Variants in ADAMTS12 observed in about 807,000 individuals in gnomAD.
ADAMTS12 encodes the protein A disintegrin and metalloproteinase with thrombospondin motifs 12.
ADAMTS12 carries 118 observed loss-of-function variants against 167.8 expected under a neutral mutation model. The ratio of observed to expected loss-of-function variants is 0.70; its 90% CI spans 0.61 to 0.82. The LOEUF is 0.82. Ranked by LOEUF, ADAMTS12 falls within the 40% of genes least tolerant of loss-of-function variation. The pLI, the probability that ADAMTS12 is intolerant of heterozygous loss-of-function variation, is 0.00. For missense variants in ADAMTS12, 1,916 were observed against 1,998.8 expected, an observed-to-expected ratio of 0.96 and a Z score of 0.79; for synonymous variants, 704 against 716.9, an observed-to-expected ratio of 0.98 and a Z score of 0.29.
chr5:33,654,872 T>TG (rs2112203231), intron 7 of ADAMTS12, among the ~76,000 whole-genome samples: 1 of 84,382 alleles, frequency 1.2e-5, no homozygotes, highest in South Asian at 6.0e-4. Flanking sequence ...ATGTGGGTGA[T>TG]TTTGTGTGTG....
At chr5:33,809,272 G>C (rs934126821) in intron 2 of ADAMTS12, among the ~76,000 whole-genome samples, 2 of 152,092 alleles carry the variant, frequency 1.3e-5, no homozygotes, top group Non-Finnish European at 2.9e-5. Flanking sequence ...TGGTGCTGCC[G>C]GTCCTTGGAC....
chr5:33,836,989 T>C (rs923269805), intron 2 of ADAMTS12, among the ~76,000 whole-genome samples: 4 of 151,984 alleles, frequency 2.6e-5, no homozygotes, highest in African/African-American at 9.7e-5. Flanking sequence ...GCCCAAGCAA[T>C]CTTCCTGCCT....
intron 3 of ADAMTS12, among the ~76,000 whole-genome samples, chr5:33,692,949 C>G (rs527558667): frequency 6.4e-4 from 97 of 152,322 alleles, no homozygotes; most frequent in Middle Eastern, 3.4e-3. Context: ...AAAGTAGACA[C>G]TATGCTTGGA....
At chr5:33,641,570 A>G (rs1740444292) in intron 11 of ADAMTS12, among the ~76,000 whole-genome samples, 1 of 152,204 alleles carries the variant, frequency 6.6e-6, no homozygotes, top group African/African-American at 2.4e-5. Context: ...AAATGATAAA[A>G]TCAGCTTACT....
chr5:33,574,709 G>C (rs1301639459), intron 19 of ADAMTS12, among the ~76,000 whole-genome samples: 1 of 152,030 alleles, frequency 6.6e-6, no homozygotes, highest in Non-Finnish European at 1.5e-5. Flanking sequence ...TAACAAACAT[G>C]CACATTGTGC....
intron 2 of ADAMTS12, among the ~76,000 whole-genome samples, chr5:33,775,893 G>A (rs1745896404): frequency 6.6e-6 from 1 of 152,320 alleles, no homozygotes; most frequent in Admixed American, 6.5e-5. Flanking sequence ...CCCTCGTGAA[G>A]GGATTAGGCC....
intron 2 of ADAMTS12, among the ~76,000 whole-genome samples, chr5:33,776,889 T>A (rs955084351): frequency 6.6e-6 from 1 of 152,112 alleles, no homozygotes; most frequent in Non-Finnish European, 1.5e-5. Context: ...AACAGACTAC[T>A]ATAAACAATT....
chr5:33,777,737 TTC>T (rs529884356), intron 2 of ADAMTS12, among the ~76,000 whole-genome samples: 113 of 152,174 alleles, frequency 7.4e-4, no homozygotes, highest in African/African-American at 2.6e-3. Context: ...CAGTAAAATT[TTC>T]TGTTTGCAGA....
In ADAMTS12 at chr5:33,637,877, T is replaced by G. The variant is rs568396072; in HGVS notation, c.1719-131A>C. On this transcript the variant is annotated intron_variant, in intron 11 of 23. Transcript: ENST00000504830. ...CCTCAAAACTTACCTTTTAAATAAC[T>G]GCTTCAAATTTTACACATTTTTTCC... The G allele has an allele frequency of 5.4e-6, 5 of 921,442 alleles. No individual in the cohort carries two copies. The East Asian group carries it at 1.4e-4, about 25-fold the overall frequency. 57.1% of individuals were successfully genotyped at this position (921,442 alleles called of 1,614,324 possible).
At chr5:33,634,223 A>G (rs1740088758) in intron 12 of ADAMTS12, among the ~76,000 whole-genome samples, 2 of 152,172 alleles carry the variant, frequency 1.3e-5, no homozygotes, top group Non-Finnish European at 2.9e-5. Context: ...TCATCATTTT[A>G]AAGAATCCAG....
chr5:33,672,759 C>A (rs1310045431), intron 5 of ADAMTS12, among the ~76,000 whole-genome samples: 2 of 152,212 alleles, frequency 1.3e-5, no homozygotes, highest in Non-Finnish European at 2.9e-5. Context: ...GTGGAGAAAG[C>A]AGAGTCATCT....
intron 2 of ADAMTS12, among the ~76,000 whole-genome samples, chr5:33,819,552 G>A (rs903141721): frequency 3.3e-5 from 5 of 151,902 alleles, no homozygotes; most frequent in African/African-American, 1.2e-4. Flanking sequence ...GCTATTTGCA[G>A]TTTGTTTTTG....
chr5:33,890,444 A>AG (rs1326609565), intron 1 of ADAMTS12, among the ~76,000 whole-genome samples: 3 of 152,228 alleles, frequency 2.0e-5, no homozygotes, highest in East Asian at 1.9e-4. Flanking sequence ...AAGCAAAGAG[A>AG]GGGACTTGCT....
At chr5:33,546,316 G>T in intron 21 of ADAMTS12, 114 bp from the exon 22 acceptor site, 1 of 987,746 alleles carries the variant, frequency 1.0e-6, no homozygotes. Flanking sequence ...AGGAATATTG[G>T]TATCTGTATT....
At chr5:33,785,241 C>T (rs947101304) in intron 2 of ADAMTS12, among the ~76,000 whole-genome samples, 2 of 151,956 alleles carry the variant, frequency 1.3e-5, no homozygotes, top group Admixed American at 6.6e-5. Context: ...ATAGGAGAAA[C>T]TCACTCTACC....
chr5:33,600,301 G>T (rs1579728284), intron 16 of ADAMTS12, among the ~76,000 whole-genome samples: 1 of 2,020 alleles, frequency 5.0e-4, no homozygotes, highest in African/African-American at 5.5e-4. Flanking sequence ...GCCTTTAAAA[G>T]AACGTCTTCC....
At chr5:33,773,216 G>GT (rs1229297314) in intron 2 of ADAMTS12, among the ~76,000 whole-genome samples, 3 of 152,130 alleles carry the variant, frequency 2.0e-5, no homozygotes, top group Non-Finnish European at 4.4e-5. Flanking sequence ...GACTCAGACA[G>GT]TAACTCTTTG....
At chr5:33,554,984 C>A (rs1037273201) in intron 20 of ADAMTS12, among the ~76,000 whole-genome samples, 17 of 152,150 alleles carry the variant, frequency 1.1e-4, no homozygotes, top group African/African-American at 3.9e-4. Context: ...AAGTAAAAAT[C>A]TTTCTGATTC....
At chr5:33,547,418 G>A (rs1745036469) in intron 21 of ADAMTS12, among the ~76,000 whole-genome samples, 1 of 152,094 alleles carries the variant, frequency 6.6e-6, no homozygotes, top group South Asian at 2.1e-4. Flanking sequence ...GACTACCACT[G>A]GTGTAGAGAT....
Sources: allele counts gnomAD v4.1 joint callset (sites outside exome capture counted in the v4.1 genomes callset), GRCh38; gene constraint gnomAD v4.1.1; transcripts MANE v1.5; gene names NCBI Gene and HGNC (gene_info 2026-07-23, HGNC 2026-07-21).